KCNMB2: variants seen among roughly 807,000 people sequenced by gnomAD.
KCNMB2 encodes the protein calcium-activated potassium channel subunit beta-2.
A neutral mutation model predicts 24.5 loss-of-function variants in KCNMB2; 9 were observed. The ratio of observed to expected loss-of-function variants is 0.37; its 90% confidence interval spans 0.22 to 0.64. The LOEUF (loss-of-function observed/expected upper bound fraction) is 0.64. Among genes scored for constraint, KCNMB2 ranks in the 30% least tolerant of loss-of-function variants. The pLI, the probability that KCNMB2 is intolerant of heterozygous loss-of-function variation, is 0.63. For synonymous variants in KCNMB2, 109 were observed against 104.4 expected (o/e 1.04, Z -0.27); for missense variants, 226 against 284.3 (o/e 0.79, Z 1.47).
At chr3:178,614,273 A>ATATATATG (rs1718610629) in intron 1 of KCNMB2, among the ~76,000 whole-genome samples, 1 of 94,062 alleles carries the variant, frequency 1.1e-5, no homozygotes, top group Non-Finnish European at 2.0e-5. Context: ...ATATATATAT[A>ATATATATG]TATATATATA....
intron 1 of KCNMB2, among the ~76,000 whole-genome samples, chr3:178,578,378 G>A (rs1227905179): frequency 6.6e-6 from 1 of 152,166 alleles, no homozygotes; most frequent in African/African-American, 2.4e-5. Flanking sequence ...CCCGAAGGAT[G>A]CACTAAATAT....
chr3:178,670,265 C>T (rs916927927), intron 1 of KCNMB2, among the ~76,000 whole-genome samples: 2 of 152,062 alleles, frequency 1.3e-5, no homozygotes, highest in African/African-American at 4.8e-5. Context: ...GGAAGCAGGG[C>T]TGGCCTGTGC....
Position 178,646,010 on chromosome 3 carries a change from A to AC in KCNMB2, c.-68+109302dup, listed in dbSNP as rs145450165. ...TTTTTTCCGCTTAGAAGTAAGGCAGACCCTCGCGTCTCACATCCATCTGCA... is the reference window on the plus strand; with the variant it reads ...TTTTTTCCGCTTAGAAGTAAGGCAGACCCCTCGCGTCTCACATCCATCTGCA... On this transcript the variant is annotated intron_variant, in intron 1 of 4. Coordinates refer to ENST00000452583, the MANE Select transcript of KCNMB2 (RefSeq NM_181361.3). Among the ~76,000 whole-genome samples, 890 of 152,118 alleles carry AC rather than the reference A, an allele frequency of 5.9e-3. 18 individuals are homozygous for AC. The highest frequency in any genetic ancestry group is 6.8e-3 in the Middle Eastern group (2 of 294).
At chr3:178,604,936 T>C (rs1165692048) in intron 1 of KCNMB2, among the ~76,000 whole-genome samples, 1 of 152,206 alleles carries the variant, frequency 6.6e-6, no homozygotes, top group Non-Finnish European at 1.5e-5. Context: ...AACTGTGATA[T>C]AATAGCTTAT....
At position 178,631,483 on chromosome 3, in the gene KCNMB2, C is replaced by T. The variant is rs77030272; in HGVS notation, c.-68+94772C>T. On this transcript the variant is annotated intron_variant, in intron 1 of 4. Transcript: ENST00000452583. The stretch of plus-strand genomic sequence containing the variant: ...CAAAACTACTCAGCTTCCGCCTATG[C>T]GGCTGGCATTCCTTAATTCCCTTTT... Among the ~76,000 whole-genome samples the T allele has an allele frequency of 7.2e-3, 1,102 of 152,376 alleles. 13 individuals are homozygous for T. Among genetic ancestry groups the T allele is most frequent in the African/African-American group, 0.026 (1,065 of 41,602 alleles).
intron 3 of KCNMB2, among the ~76,000 whole-genome samples, chr3:178,825,981 T>C (rs1714819780): frequency 6.6e-6 from 1 of 152,204 alleles, no homozygotes. Context: ...ACTTCTTTAA[T>C]TATCACAATT....
At chr3:178,769,423 C>A (rs1023951807) in intron 1 of KCNMB2, among the ~76,000 whole-genome samples, 6 of 152,130 alleles carry the variant, frequency 3.9e-5, no homozygotes, top group Admixed American at 6.6e-5. Flanking sequence ...TGTGATCCAG[C>A]TGTTGACACT....
At chr3:178,787,326 C>CAT (rs1422161772) in intron 1 of KCNMB2, among the ~76,000 whole-genome samples, 1 of 152,102 alleles carries the variant, frequency 6.6e-6, no homozygotes. Flanking sequence ...CAGGTATTAA[C>CAT]ATATATATGT....
At chr3:178,832,333 A>G (rs11927078) in intron 4 of KCNMB2, among the ~76,000 whole-genome samples, 21,631 of 71,670 alleles carry the variant, frequency 0.3, 5,936 homozygotes, top group African/African-American at 0.6. Flanking sequence ...CTTCTTTGAA[A>G]GTAATCTTGG....
chr3:178,693,948 A>T (rs111697594), intron 1 of KCNMB2, among the ~76,000 whole-genome samples: 2 of 144,800 alleles, frequency 1.4e-5, no homozygotes, highest in African/African-American at 5.2e-5. Flanking sequence ...AGAGCTCATT[A>T]TTGGTCTTTT....
intron 1 of KCNMB2, among the ~76,000 whole-genome samples, chr3:178,633,098 T>G (rs986815440): frequency 2.0e-5 from 3 of 152,228 alleles, no homozygotes; most frequent in Non-Finnish European, 4.4e-5. Context: ...GCTCCGCCCC[T>G]GTAGCTTTGC....
chr3:178,627,114 G>A (rs1420649781), intron 1 of KCNMB2, among the ~76,000 whole-genome samples: 1 of 151,840 alleles, frequency 6.6e-6, no homozygotes, highest in African/African-American at 2.4e-5. Context: ...ATTTGAGTTG[G>A]CTAGATTATT....
chr3:178,650,084 CT>C (rs753925027), intron 1 of KCNMB2, among the ~76,000 whole-genome samples: 9 of 152,122 alleles, frequency 5.9e-5, no homozygotes, highest in Non-Finnish European at 1.3e-4. Context: ...TTATTTCTGC[CT>C]TAATTTCATT....
intron 1 of KCNMB2, among the ~76,000 whole-genome samples, chr3:178,753,719 T>C (rs1393418169): frequency 6.6e-6 from 1 of 152,226 alleles, no homozygotes; most frequent in African/African-American, 2.4e-5. Flanking sequence ...TGTGTTGATA[T>C]ATGTATGCAC....
At chr3:178,622,088 G>T (rs573472558) in intron 1 of KCNMB2, among the ~76,000 whole-genome samples, 2 of 152,336 alleles carry the variant, frequency 1.3e-5, no homozygotes, top group South Asian at 4.1e-4. Context: ...TAAATGAGAT[G>T]AATGCTGAGA....
chr3:178,697,269 T>A (rs2108335666), intron 1 of KCNMB2, among the ~76,000 whole-genome samples: 1 of 152,358 alleles, frequency 6.6e-6, no homozygotes, highest in Middle Eastern at 3.4e-3. Context: ...AGAATTTGCC[T>A]TATGAATCTG....
chr3:178,562,563 A>G lies in KCNMB2; in HGVS notation c.-68+25852A>G, dbSNP rs180862502. ...TTTTTCCTCCAATTCTAAACTGTCA[A>G]TAAACTATACACTCTTCAGTAATGC... On this transcript the variant is annotated intron_variant, in intron 1 of 4. Coordinates refer to ENST00000452583, the MANE Select transcript of KCNMB2 (RefSeq NM_181361.3). 2.6e-5 allele frequency among the ~76,000 whole-genome samples: 4 copies of G among 152,366 alleles called. No individual in the cohort carries two copies. The East Asian group carries it at 7.7e-4, about 29-fold the overall frequency.
rs545714629 is a variant in KCNMB2, at chr3:178,636,615, G to A, written c.-68+99904G>A. Among the ~76,000 whole-genome samples the A allele has an allele frequency of 1.5e-4, 23 of 152,320 alleles. 2 individuals carry two copies. The highest frequency in any genetic ancestry group is 5.1e-4 in the African/African-American group (21 of 41,572). ...CTCTTAGCTTCTTGAGTATCTTGAA[G>A]CTTCCAGCACTCTTTTCACCTTCAT... is the stretch of plus-strand genomic sequence containing the variant. On this transcript the variant is annotated intron_variant, in intron 1 of 4. Transcript: ENST00000452583.
At chr3:178,712,281 C>A (rs981168339) in intron 1 of KCNMB2, among the ~76,000 whole-genome samples, 11 of 152,116 alleles carry the variant, frequency 7.2e-5, no homozygotes, top group Admixed American at 7.2e-4. Flanking sequence ...GAACTTGGAA[C>A]TGATTAGAAA....
Sources: allele counts gnomAD v4.1 joint callset (sites outside exome capture counted in the v4.1 genomes callset), GRCh38; gene constraint gnomAD v4.1.1; transcripts MANE v1.5; gene names NCBI Gene and HGNC (gene_info 2026-07-23, HGNC 2026-07-21).